The following SLC44A5 variants were observed in gnomAD, a reference collection of about 807,000 sequenced individuals.
SLC44A5 encodes choline transporter-like protein 5.
Under a neutral mutation model 101.8 loss-of-function variants are expected in SLC44A5, and 57 were observed. The ratio of observed to expected loss-of-function variants is 0.56; its 90% CI spans 0.45 to 0.70. The LOEUF (loss-of-function observed/expected upper bound fraction) is 0.70. SLC44A5 is among the 30% of genes least tolerant of loss of function. The pLI is 0.00. For synonymous variants in SLC44A5, 281 were observed against 290.9 expected, an observed-to-expected ratio of 0.97 and a Z score of 0.35; for missense variants, 737 against 853.1, an observed-to-expected ratio of 0.86 and a Z score of 1.70.
At chr1:75,368,721 T>G (rs1470023324) in intron 3 of SLC44A5, among the ~76,000 whole-genome samples, 1 of 152,088 alleles carries the variant, frequency 6.6e-6, no homozygotes, top group Admixed American at 6.6e-5. Context: ...CTTGGTGTTC[T>G]GAAATATATC....
At chr1:75,365,887 C>T (rs752066644) in intron 3 of SLC44A5, among the ~76,000 whole-genome samples, 13 of 152,160 alleles carry the variant, frequency 8.5e-5, no homozygotes, top group Non-Finnish European at 1.3e-4. Flanking sequence ...ATAGCAACTT[C>T]AATTACATAT....
intron 6 of SLC44A5, among the ~76,000 whole-genome samples, chr1:75,270,873 T>C (rs1361647794): frequency 2.6e-5 from 4 of 152,316 alleles, no homozygotes; most frequent in East Asian, 3.9e-4. Flanking sequence ...GTCACATTTT[T>C]GTTTGACATA....
At chr1:75,323,421 T>A (rs1392459226) in intron 4 of SLC44A5, among the ~76,000 whole-genome samples, 1 of 152,078 alleles carries the variant, frequency 6.6e-6, no homozygotes, top group Admixed American at 6.6e-5. Flanking sequence ...TGTGTCTTTA[T>A]AGCAGCATGA....
intron 2 of SLC44A5, among the ~76,000 whole-genome samples, chr1:75,422,132 T>C (rs1397077814): frequency 1.3e-5 from 2 of 152,182 alleles, no homozygotes; most frequent in African/African-American, 4.8e-5. Context: ...TGATGTGATG[T>C]AAAATTTGGA....
At chr1:75,467,130 G>A (rs950015271) in intron 2 of SLC44A5, among the ~76,000 whole-genome samples, 1 of 151,920 alleles carries the variant, frequency 6.6e-6, no homozygotes, top group African/African-American at 2.4e-5. Context: ...CTAAAGAACT[G>A]AAAGACCTCT....
chr1:75,704,123 A>G, the SLC44A5 span, among the ~76,000 whole-genome samples: 3 of 152,216 alleles, frequency 2.0e-5, no homozygotes, highest in Admixed American at 6.5e-5. Context: ...GAACAAAAGT[A>G]TAAACCAAGT....
At chr1:75,623,741 T>G in the SLC44A5 span, among the ~76,000 whole-genome samples, 2 of 152,128 alleles carry the variant, frequency 1.3e-5, no homozygotes, top group African/African-American at 4.8e-5. Flanking sequence ...AGTACCAGCC[T>G]GGTTCTTGTA....
chr1:75,454,943 A>G (rs1208512964), intron 2 of SLC44A5, among the ~76,000 whole-genome samples: 2 of 152,024 alleles, frequency 1.3e-5, no homozygotes, highest in Admixed American at 1.3e-4. Context: ...ATTAAAATGA[A>G]CATACTGCCC....
chr1:75,348,470 C>T (rs1003146094), intron 3 of SLC44A5, among the ~76,000 whole-genome samples: 1 of 152,092 alleles, frequency 6.6e-6, no homozygotes, highest in Non-Finnish European at 1.5e-5. Context: ...AGATTAAATC[C>T]ACCATAGCCT....
chr1:75,365,610 C>T lies in SLC44A5; in HGVS notation c.53-25980G>A, dbSNP rs1292046958. Among the ~76,000 whole-genome samples the T allele has an allele frequency of 2.0e-5, 3 of 152,132 alleles. No individual in the cohort carries two copies. The East Asian group carries it at 5.8e-4, about 29-fold the overall frequency. ...TATTTATGTTCATCGCAGCACTATT[C>T]ACAATAACAAAGACATGGAATCAAC... On this transcript the variant is annotated intron_variant, in intron 3 of 23. Coordinates refer to ENST00000370859, the MANE Select transcript of SLC44A5 (RefSeq NM_001130058.2).
chr1:75,330,167 A>G (rs1196173160), intron 4 of SLC44A5, among the ~76,000 whole-genome samples: 1 of 125,082 alleles, frequency 8.0e-6, no homozygotes, highest in Non-Finnish European at 1.6e-5. Flanking sequence ...GCATATATAT[A>G]CGTATATATG....
chr1:75,364,206 A>G (rs1295589065), intron 3 of SLC44A5, among the ~76,000 whole-genome samples: 1 of 152,126 alleles, frequency 6.6e-6, no homozygotes, highest in African/African-American at 2.4e-5. Flanking sequence ...TTGCATTGCT[A>G]TAAAGAAATA....
At chr1:75,252,467 G>A (rs1207875444) in intron 6 of SLC44A5, among the ~76,000 whole-genome samples, 1 of 152,164 alleles carries the variant, frequency 6.6e-6, no homozygotes, top group Non-Finnish European at 1.5e-5. Flanking sequence ...ATATTGTGGG[G>A]AGGGAGGTGG....
chr1:75,507,729 C>T (rs1467354274), intron 2 of SLC44A5, among the ~76,000 whole-genome samples: 3 of 152,098 alleles, frequency 2.0e-5, no homozygotes, highest in Admixed American at 1.3e-4. Context: ...CATTTCAGAA[C>T]TCAATATTGG....
At position 75,254,797 on chromosome 1, in the gene SLC44A5, G is replaced by A. The variant is rs184853260; in HGVS notation, c.261-3503C>T. Among the ~76,000 whole-genome samples the A allele has an allele frequency of 7.3e-3, 1,114 of 152,146 alleles. 21 individuals carry two copies. Among genetic ancestry groups the A allele is most frequent in the African/African-American group, 0.025 (1,049 of 41,454 alleles). On this transcript the variant is annotated intron_variant, in intron 6 of 23. Coordinates refer to ENST00000370859, the MANE Select transcript of SLC44A5 (RefSeq NM_001130058.2). ...TGTAGCCAAAGCAGAGAGATTAATC[G>A]AAAGTTTCTTTACAGATTTTCAGTG...
At chr1:75,562,603 G>C (rs1672579013) in intron 1 of SLC44A5, among the ~76,000 whole-genome samples, 1 of 152,086 alleles carries the variant, frequency 6.6e-6, no homozygotes, top group Non-Finnish European at 1.5e-5. Flanking sequence ...GGGGAGGATT[G>C]CTTAAGCCCG....
At chr1:75,656,556 CTTAA>C in the SLC44A5 span, among the ~76,000 whole-genome samples, 8 of 152,216 alleles carry the variant, frequency 5.3e-5, no homozygotes, top group East Asian at 1.9e-4. Flanking sequence ...TTTTTCTCTG[CTTAA>C]TTGTTTATTT....
intron 2 of SLC44A5, among the ~76,000 whole-genome samples, chr1:75,450,806 T>C (rs1665865287): frequency 1.3e-5 from 2 of 152,192 alleles, no homozygotes. Context: ...CCACTCTTCC[T>C]GTGCAAAGAT....
the SLC44A5 span, among the ~76,000 whole-genome samples, chr1:75,654,320 ATTACT>A: frequency 2.0e-5 from 3 of 152,238 alleles, no homozygotes; most frequent in African/African-American, 7.2e-5. Context: ...ATAAACTAAC[ATTACT>A]TTAAATTAAA....
Sources: allele counts gnomAD v4.1 joint callset (sites outside exome capture counted in the v4.1 genomes callset), GRCh38; gene constraint gnomAD v4.1.1; transcripts MANE v1.5; gene names NCBI Gene and HGNC (gene_info 2026-07-23, HGNC 2026-07-21).